The following ELF2 variants were observed in gnomAD, a reference collection of about 807,000 sequenced individuals.
ELF2 encodes the protein ETS-related transcription factor Elf-2.
In ELF2, 11 loss-of-function variants were observed where a neutral mutation model predicts 54.8. That is an observed-to-expected ratio of 0.20 (90% CI 0.13 to 0.33). The LOEUF (loss-of-function observed/expected upper bound fraction) is 0.33, where lower values mean the gene tolerates loss of function less well. Among genes scored for constraint, ELF2 ranks in the 10% least tolerant of loss-of-function variants. The pLI is 1.00. For synonymous variants in ELF2, 203 were observed against 245.1 expected, an observed-to-expected ratio of 0.83 and a Z score of 1.61; for missense variants, 513 against 703.0, an observed-to-expected ratio of 0.73 and a Z score of 3.06.
intron 4 of ELF2, among the ~76,000 whole-genome samples, chr4:139,103,386 C>T (rs1326632654): frequency 2.0e-5 from 3 of 152,176 alleles, no homozygotes; most frequent in Non-Finnish European, 2.9e-5. Flanking sequence ...GACTTTCAGC[C>T]CCACTCCCAA....
chr4:139,089,264 T>A (rs1386367286), intron 4 of ELF2, among the ~76,000 whole-genome samples: 1 of 152,236 alleles, frequency 6.6e-6, no homozygotes, highest in African/African-American at 2.4e-5. Flanking sequence ...ATCTTAGTCA[T>A]CTATGTTCCT....
intron 4 of ELF2, among the ~76,000 whole-genome samples, chr4:139,074,524 G>A (rs1462309172): frequency 6.6e-6 from 1 of 151,934 alleles, no homozygotes; most frequent in Non-Finnish European, 1.5e-5. Context: ...CACTTTGAGA[G>A]GCCAAGGCGT....
At position 139,116,764 on chromosome 4, in the gene ELF2, T is replaced by C. The variant is rs945595372; in HGVS notation, c.238+8400A>G. Reference sequence around the variant, plus strand: ...ATCTTCTACCTCCCTGTGGCAACAATATTTTCTAATTAAAGGAGTCCTTTT... The same window carrying C: ...ATCTTCTACCTCCCTGTGGCAACAACATTTTCTAATTAAAGGAGTCCTTTT... On this transcript the variant is annotated intron_variant, in intron 4 of 9. Transcript: ENST00000686138. 7.1e-6 allele frequency: 7 copies of C among 981,940 alleles called. No individual in the cohort carries two copies. The Admixed American group carries it at 3.1e-4, about 43-fold the overall frequency. 60.8% of individuals were successfully genotyped at this position (981,940 alleles called of 1,614,324 possible). A position where few individuals can be genotyped will look rare whatever the true frequency, so the allele number is the denominator to read the frequency against.
intron 4 of ELF2, among the ~76,000 whole-genome samples, chr4:139,088,552 T>C (rs1381288942): frequency 6.6e-6 from 1 of 152,150 alleles, no homozygotes; most frequent in African/African-American, 2.4e-5. Flanking sequence ...CTTCGTTTGA[T>C]TTTCATGATA....
intron 4 of ELF2, among the ~76,000 whole-genome samples, chr4:139,088,548 T>A (rs1732240121): frequency 6.6e-6 from 1 of 152,124 alleles, no homozygotes; most frequent in African/African-American, 2.4e-5. Context: ...TTCCCTTCGT[T>A]TGATTTTCAT....
intron 1 of ELF2, among the ~76,000 whole-genome samples, chr4:139,145,104 T>C (rs1340059181): frequency 6.6e-6 from 1 of 152,188 alleles, no homozygotes; most frequent in Non-Finnish European, 1.5e-5. Context: ...CAACTACAGG[T>C]AAAATAACAT....
At chr4:139,071,750 A>G (rs754171756) in intron 6 of ELF2, 116 bp downstream of exon 6, 71 of 956,224 alleles carry the variant, frequency 7.4e-5, no homozygotes, top group Non-Finnish European at 1.0e-4. Flanking sequence ...ATATCTGGTT[A>G]AGATAACATC....
chr4:139,160,042 T>C (rs1041671172), intron 1 of ELF2, among the ~76,000 whole-genome samples: 2 of 152,164 alleles, frequency 1.3e-5, no homozygotes, highest in African/African-American at 2.4e-5. Flanking sequence ...GAAGATACTA[T>C]AGCATAGCCT....
chr4:139,115,304 G>A, intron 4 of ELF2: 2 of 1,573,796 alleles, frequency 1.3e-6, no homozygotes, highest in East Asian at 2.3e-5. Context: ...GCGTGGTCCT[G>A]GGCCGCCACT....
chr4:139,065,859 T>G (rs189079881), intron 7 of ELF2, among the ~76,000 whole-genome samples: 14 of 152,288 alleles, frequency 9.2e-5, no homozygotes, highest in Admixed American at 7.8e-4. Flanking sequence ...ATACATACTA[T>G]GTTAACTTTT....
At chr4:139,166,104 G>A (rs1436122207) in intron 1 of ELF2, among the ~76,000 whole-genome samples, 7 of 152,136 alleles carry the variant, frequency 4.6e-5, no homozygotes, top group African/African-American at 1.2e-4. Flanking sequence ...TTGGAAGGCC[G>A]AGACGGGCGG....
intron 1 of ELF2, among the ~76,000 whole-genome samples, chr4:139,171,837 T>C (rs1322864969): frequency 2.0e-5 from 3 of 151,906 alleles, no homozygotes; most frequent in Admixed American, 6.6e-5. Flanking sequence ...GGCAGAAGAA[T>C]TGCTTGAACC....
chr4:139,168,729 CTTTTG>C lies in ELF2; in HGVS notation c.-252+8233_-252+8237del, dbSNP rs535736092. Among the ~76,000 whole-genome samples the C allele has an allele frequency of 5.9e-3, 899 of 152,090 alleles. 10 individuals carry two copies. The highest frequency in any genetic ancestry group is 0.021 in the African/African-American group (857 of 41,470). On this transcript the variant is annotated intron_variant, in intron 1 of 9. Coordinates refer to ENST00000686138, the MANE Select transcript of ELF2 (RefSeq NM_001331036.3). ...CAGTGATGCTTCCAAAGAAAGATCCCTTTTGTTTTATTTGTTTTTTTAGAGACAGG... is the reference window on the plus strand; with the variant it reads ...CAGTGATGCTTCCAAAGAAAGATCCCTTTTATTTGTTTTTTTAGAGACAGG...
At chr4:139,123,182 CAA>C (rs762824168) in intron 4 of ELF2, among the ~76,000 whole-genome samples, 12 of 67,300 alleles carry the variant, frequency 1.8e-4, no homozygotes, top group African/African-American at 1.7e-4. Flanking sequence ...GACTCTGTCT[CAA>C]AAAAAAAAAA....
intron 7 of ELF2, 71 bp downstream of exon 7, chr4:139,067,613 T>G: frequency 6.7e-7 from 1 of 1,499,838 alleles, no homozygotes; most frequent in Non-Finnish European, 9.3e-7. Context: ...AATAGTTTTC[T>G]TACAAATACA....
chr4:139,115,006 G>A (rs1055637605), intron 4 of ELF2: 21 of 1,613,668 alleles, frequency 1.3e-5, no homozygotes, highest in East Asian at 2.2e-5. Flanking sequence ...GGCCTCTGTG[G>A]GTTTGTAACA....
At chr4:139,167,108 G>GA in intron 1 of ELF2, among the ~76,000 whole-genome samples, 1 of 152,282 alleles carries the variant, frequency 6.6e-6, no homozygotes, top group South Asian at 2.1e-4. Context: ...GTAAAATTCA[G>GA]AAACTATTCA....
intron 4 of ELF2, among the ~76,000 whole-genome samples, chr4:139,097,042 T>TGG (rs965686421): frequency 3.3e-5 from 5 of 152,340 alleles, no homozygotes; most frequent in Admixed American, 6.5e-5. Flanking sequence ...GGATTTATTC[T>TGG]GTTGGTCCTA....
chr4:139,130,924 C>A (rs764590930), intron 3 of ELF2, among the ~76,000 whole-genome samples: 18 of 152,138 alleles, frequency 1.2e-4, no homozygotes, highest in Non-Finnish European at 7.4e-5. Context: ...CTGCATGCAG[C>A]TATTCAGATA....
Sources: allele counts gnomAD v4.1 joint callset (sites outside exome capture counted in the v4.1 genomes callset), GRCh38; gene constraint gnomAD v4.1.1; transcripts MANE v1.5; gene names NCBI Gene and HGNC (gene_info 2026-07-23, HGNC 2026-07-21).